The following PLPPR3 variants were observed in gnomAD, a reference collection of about 807,000 sequenced individuals.
PLPPR3 encodes the protein phospholipid phosphatase-related protein type 3.
PLPPR3 carries 14 observed loss-of-function variants against 27.3 expected under a neutral mutation model. The observed-to-expected ratio is 0.51, with a 90% CI of 0.34 to 0.80. The LOEUF (loss-of-function observed/expected upper bound fraction) is 0.80. Among genes scored for constraint, PLPPR3 ranks in the 30% least tolerant of loss-of-function variants. PLPPR3 has a pLI of 0.01. For missense variants in PLPPR3, 1,287 were observed against 1,056.9 expected, an observed-to-expected ratio of 1.22 and a Z score of -3.02; for synonymous variants, 671 against 508.0, an observed-to-expected ratio of 1.32 and a Z score of -4.32.
Position 814,349 on chromosome 19 carries a change from CCA to C in PLPPR3, c.831+83_831+84del, listed in dbSNP as rs2035012720. 5 of 1,355,440 alleles carry C rather than the reference CCA, an allele frequency of 3.7e-6. No homozygotes were observed. The East Asian group carries it at 1.2e-4, about 34-fold the overall frequency. 84.0% of individuals were successfully genotyped at this position (1,355,440 alleles called of 1,614,324 possible). ...ACCTCAGACCCCTGGGCCAGCCTCCCCACTCAGGCCCTGTGGGCACTCATGCC... is the reference window on the plus strand; with the variant it reads ...ACCTCAGACCCCTGGGCCAGCCTCCCCTCAGGCCCTGTGGGCACTCATGCC... On this transcript the variant is annotated intron_variant, in intron 7 of 7. Coordinates refer to ENST00000520876, the MANE Select transcript of PLPPR3 (RefSeq NM_001270366.2).
In PLPPR3 at chr19:815,774, G is replaced by A; in HGVS notation, c.153C>T (p.Gly51=). Residue 51 remains glycine, a synonymous_variant, in exon 3 of 8, where the codon GGC becomes GGT. Transcript: ENST00000520876. ...AGAGAGTGCGGTCATAGCACTGGAA[G>A]CCCACCTTGGCCGGCTTGAAGAGGT... ...LTDLFKPAKV[G]FQCYDRTLSM... The A allele has an allele frequency of 1.2e-6, 2 of 1,612,832 alleles. No homozygotes were observed. The highest frequency in any genetic ancestry group is 1.7e-5 in the Admixed American group (1 of 59,990).
upstream of PLPPR3, among the ~76,000 whole-genome samples, chr19:823,450 A>AACAAAC (rs1555703880): frequency 1.4e-5 from 2 of 143,838 alleles, no homozygotes; most frequent in Non-Finnish European, 3.0e-5. Flanking sequence ...TCAAAAAAAA[A>AACAAAC]AAAAAAAACA....
chr19:823,352 G>A (rs539751632), upstream of PLPPR3, among the ~76,000 whole-genome samples: 1 of 150,920 alleles, frequency 6.6e-6, no homozygotes, highest in South Asian at 2.1e-4. Context: ...TGAGGCAGGA[G>A]AATTGCTTGA....
rs971309636 is a variant in PLPPR3, at chr19:813,339, G to T, written c.1388C>A (p.Pro463Gln). 2 of 1,472,922 alleles carry T rather than the reference G, an allele frequency of 1.4e-6. No homozygotes were observed. The allele number at this position is 1,472,922 out of a possible 1,614,324, so 91.2% of individuals were successfully genotyped here. ...EEEEEEEDEG[P>Q]APPSLYPTVQ... is the part of the protein sequence containing the mutation. ...GGTGGGGTAGAGCGAGGGCGGGGCC[G>T]GGCCCTCGTCCTCCTCCTCTTCCTC... Residue 463 changes from proline to glutamine, a missense_variant, in exon 8 of 8, where the codon CCG (proline) becomes CAG (glutamine). By Grantham distance (76) the Pro-to-Gln change is moderately conservative. Transcript: ENST00000520876. This position sits in a 1 kb window ranked among gnomAD's most constrained non-coding sequence, Gnocchi z 4.1.
At position 821,554 on chromosome 19, in the gene PLPPR3, G is replaced by C. The variant is rs1277192770; in HGVS notation, c.6C>G (p.Ile2Met). The change falls in exon 2 of 8, where the codon ATC (isoleucine) becomes ATG (methionine). Residue 2 changes from isoleucine (I) to methionine (M), a missense_variant. Physicochemically the swap from Ile to Met is conservative, Grantham distance 10 (BLOSUM62 1). Transcript: ENST00000520876. ...GGATCTTGTTCTTCTCCTTGGTGGA[G>C]ATCATGGTGCCGCGGGCGCCGCAGG... M[I>M]STKEKNKIPK... 3 of 1,487,574 alleles carry C rather than the reference G, an allele frequency of 2.0e-6. No homozygotes were observed. The highest frequency in any genetic ancestry group is 2.7e-6 in the Non-Finnish European group (3 of 1,112,714). 92.1% of individuals were successfully genotyped at this position (1,487,574 alleles called of 1,614,324 possible).
chr19:812,775 G>A lies in PLPPR3; in HGVS notation c.1952C>T (p.Pro651Leu), dbSNP rs1303809529. The change falls in exon 8 of 8, where the codon CCG (proline) becomes CTG (leucine). Residue 651 changes from proline (P) to leucine (L), a missense_variant. Transcript: ENST00000520876. ...GACGGTGGCCACGGCCCCGAACCGC[G>A]GCTCCTCCTGGTCCACGTCGCTGAC... ...SSVSDVDQEE[P>L]RFGAVATVNL... 9.2e-7 allele frequency: 1 copy of A among 1,084,180 alleles called. No individual in the cohort carries two copies. The highest frequency in any genetic ancestry group is 1.1e-6 in the Non-Finnish European group (1 of 892,728). The allele number at this position is 1,084,180 out of a possible 1,614,324, so 67.2% of individuals were successfully genotyped here. A position where few individuals can be genotyped will look rare whatever the true frequency, so the allele number is the denominator to read the frequency against.
chr19:813,154 T>G lies in PLPPR3; in HGVS notation c.1573A>C (p.Lys525Gln). The G allele has an allele frequency of 6.6e-7, 1 of 1,523,842 alleles. No homozygotes were observed. Among genetic ancestry groups the G allele is most frequent in the African/African-American group, 1.5e-5 (1 of 68,888 alleles). 94.4% of individuals were successfully genotyped at this position (1,523,842 alleles called of 1,614,324 possible). A position where few individuals can be genotyped will look rare whatever the true frequency, so the allele number is the denominator to read the frequency against. The change falls in exon 8 of 8, where the codon AAG becomes CAG. Residue 525 changes from lysine to glutamine, a missense_variant. Coordinates refer to ENST00000520876, the MANE Select transcript of PLPPR3 (RefSeq NM_001270366.2). The surrounding 1 kb of genome is among the most constrained non-coding windows in gnomAD (Gnocchi z 4.1). ...GGGTTGGCCACTGCCGCCCCGCTCT[T>G]CTCGGCCATCATGAGCCACTTGGCG... is the stretch of plus-strand genomic sequence containing the variant. ...VRAKWLMMAE[K>Q]SGAAVANPPR...
chr19:822,720 C>T (rs1391542932), upstream of PLPPR3, among the ~76,000 whole-genome samples: 2 of 152,146 alleles, frequency 1.3e-5, no homozygotes, highest in Non-Finnish European at 2.9e-5. Context: ...CGCAGCCCTG[C>T]GGGGTAGGGG....
upstream of PLPPR3, chr19:821,978 AGGGGAG>A (rs2035155888): frequency 7.4e-6 from 1 of 134,280 alleles, no homozygotes; most frequent in Admixed American, 7.3e-5. Flanking sequence ...GGAGCCGGGA[AGGGGAG>A]GGGGACGGGG....
intron 2 of PLPPR3, among the ~76,000 whole-genome samples, chr19:819,279 CTTTTT>C (rs1252377454): frequency 3.3e-5 from 2 of 60,988 alleles, no homozygotes; most frequent in African/African-American, 1.2e-4. Context: ...ACCCAGCCTA[CTTTTT>C]TTTTTTTTTT....
At chr19:821,827 C>T (rs1355667360) in intron 1 of PLPPR3, 88 bp downstream of exon 1, 3 of 316,660 alleles carry the variant, frequency 9.5e-6, no homozygotes, top group East Asian at 1.0e-4. Context: ...AGCCAGTCCC[C>T]GCGTGGTGGT....
Position 813,303 on chromosome 19 carries a change from C to T in PLPPR3, c.1424G>A (p.Arg475Gln). 9 of 1,454,290 alleles carry T rather than the reference C, an allele frequency of 6.2e-6. No individual in the cohort carries two copies. Among genetic ancestry groups the T allele is most frequent in the Non-Finnish European group, 8.1e-6 (9 of 1,116,808 alleles). The allele number at this position is 1,454,290 out of a possible 1,614,324, so 90.1% of individuals were successfully genotyped here. A position where few individuals can be genotyped will look rare whatever the true frequency, so the allele number is the denominator to read the frequency against. The stretch of plus-strand genomic sequence containing the variant: ...GATGACCCGAGGCCCCAGCCCCGGC[C>T]GCGCCTGCACGGTGGGGTAGAGCGA... ...PPSLYPTVQA[R>Q]PGLGPRVILP... The change falls in exon 8 of 8, where the codon CGG (arginine) becomes CAG (glutamine). Residue 475 changes from arginine to glutamine, a missense_variant. Arg to Gln is a conservative substitution (Grantham distance 43, BLOSUM62 1). Transcript: ENST00000520876. The surrounding 1 kb of genome is among the most constrained non-coding windows in gnomAD (Gnocchi z 4.1).
At position 815,662 on chromosome 19, in the gene PLPPR3, T is replaced by C. The variant is rs1330518363; in HGVS notation, c.261+4A>G. On this transcript the variant is annotated splice_donor_region_variant and intron_variant, in intron 3 of 7. Transcript: ENST00000520876. ...CTGGCACAGGCCCCGGTGCAGGTGCTCACCGAGGCGGCAGGGGCCGCGAAG... is the reference window on the plus strand; with the variant it reads ...CTGGCACAGGCCCCGGTGCAGGTGCCCACCGAGGCGGCAGGGGCCGCGAAG... 6.4e-7 allele frequency: 1 copy of C among 1,572,894 alleles called. No homozygotes were observed. The highest frequency in any genetic ancestry group is 2.4e-5 in the East Asian group (1 of 41,952).
Position 812,891 on chromosome 19 carries a change from C to T in PLPPR3, c.1836G>A (p.Lys612=), listed in dbSNP as rs1272475096. 2.1e-5 allele frequency: 27 copies of T among 1,265,242 alleles called. No homozygotes were observed. The highest frequency in any genetic ancestry group is 4.3e-5 in the Admixed American group (1 of 23,324). 78.4% of individuals were successfully genotyped at this position (1,265,242 alleles called of 1,614,324 possible). ...WEWKAAGGGA[K]AEADGGYELG... ...GCTCGTAGCCGCCGTCGGCCTCCGC[C>T]TTGGCCCCGCCGCCCGCCGCCTTCC... The change falls in exon 8 of 8, where the codon AAG becomes AAA. Residue 612 remains lysine, a synonymous_variant. Coordinates refer to ENST00000520876, the MANE Select transcript of PLPPR3 (RefSeq NM_001270366.2).
intron 2 of PLPPR3, among the ~76,000 whole-genome samples, chr19:818,366 C>T (rs892685891): frequency 1.3e-5 from 2 of 151,778 alleles, no homozygotes; most frequent in Non-Finnish European, 2.9e-5. Context: ...TTGGGCAAGA[C>T]AGCAGGACTC....
At chr19:818,876 C>G (rs138072469) in intron 2 of PLPPR3, among the ~76,000 whole-genome samples, 3 of 151,610 alleles carry the variant, frequency 2.0e-5, no homozygotes, top group Non-Finnish European at 2.9e-5. Context: ...TCAGGCTAGC[C>G]TTGAACTCCA....
rs779028748 is a variant in PLPPR3 at position 812,976 on chromosome 19, T to TCA, written c.1750_1751insTG (p.Asp584ValfsTer159). 6.7e-7 allele frequency: 1 copy of TCA among 1,495,382 alleles called. No individual in the cohort carries two copies. Among genetic ancestry groups the TCA allele is most frequent in the Non-Finnish European group, 8.9e-7 (1 of 1,129,078 alleles). The allele number at this position is 1,495,382 out of a possible 1,614,324, so 92.6% of individuals were successfully genotyped here. On this transcript the variant is annotated frameshift_variant, in exon 8 of 8. Coordinates refer to ENST00000520876, the MANE Select transcript of PLPPR3 (RefSeq NM_001270366.2). LOFTEE classifies it low-confidence loss of function (END_TRUNC). ...CACGGGGTGGTGCGGCGCGTGCGCGTCGATGGTCACGATGCTGGCGGAGTC... is the reference window on the plus strand; with the variant it reads ...CACGGGGTGGTGCGGCGCGTGCGCGTCACGATGGTCACGATGCTGGCGGAGTC...
intron 2 of PLPPR3, among the ~76,000 whole-genome samples, chr19:816,179 C>A (rs1358228274): frequency 2.7e-4 from 41 of 151,700 alleles, no homozygotes; most frequent in Admixed American, 2.7e-3. Context: ...ACCCACCCAT[C>A]ATCTATCCAC....
intron 7 of PLPPR3, among the ~76,000 whole-genome samples, 163 bp downstream of exon 7, chr19:814,271 C>T (rs962498104): frequency 6.8e-5 from 10 of 147,974 alleles, no homozygotes; most frequent in African/African-American, 2.5e-4. Context: ...GGAACCATGC[C>T]TCACCCCTCA....
Sources: allele counts gnomAD v4.1 joint callset (sites outside exome capture counted in the v4.1 genomes callset), GRCh38; gene constraint gnomAD v4.1.1; non-coding constraint Gnocchi (gnomAD v3.1); transcripts MANE v1.5; gene names NCBI Gene and HGNC (gene_info 2026-07-23, HGNC 2026-07-21).